Variants in NRG1 observed in about 807,000 individuals in gnomAD.
NRG1 encodes neuregulin 1.
A neutral mutation model predicts 63.8 loss-of-function variants in NRG1; 18 were observed. The observed-to-expected ratio is 0.28, with a 90% CI of 0.19 to 0.42. The LOEUF (loss-of-function observed/expected upper bound fraction) is 0.42, where lower values mean the gene tolerates loss of function less well. Ranked by LOEUF, NRG1 falls within the 10% of genes least tolerant of loss-of-function variation. The pLI is 1.00. For missense variants in NRG1, 762 were observed against 814.7 expected, an observed-to-expected ratio of 0.94 and a Z score of 0.79; for synonymous variants, 302 against 301.3, an observed-to-expected ratio of 1.00 and a Z score of -0.02.
chr8:32,156,015 T>G (rs73594188), intron 1 of NRG1, among the ~76,000 whole-genome samples: 2,010 of 152,298 alleles, frequency 0.013, 54 homozygotes, highest in African/African-American at 0.045. Context: ...TTTCAGGTGC[T>G]AAATTTGGCA....
At chr8:32,066,363 A>G (rs1321077036) in intron 1 of NRG1, among the ~76,000 whole-genome samples, 4 of 152,226 alleles carry the variant, frequency 2.6e-5, no homozygotes, top group Non-Finnish European at 4.4e-5. Context: ...TAATTTTTGT[A>G]TAAGATGTAA....
chr8:32,553,003 G>C (rs1166193969), intron 1 of NRG1, among the ~76,000 whole-genome samples: 2 of 152,162 alleles, frequency 1.3e-5, no homozygotes, highest in African/African-American at 4.8e-5. Context: ...TTTGTCATCC[G>C]TCCTTTCGAA....
rs151045576 is a variant in NRG1 at position 32,459,998 on chromosome 8, G to C, written c.38-135830G>C. ...CAACACCTTATGTTAATGTTGTGCA[G>C]AACACTTACCACTGCCTGATATTTT... On this transcript the variant is annotated intron_variant, in intron 1 of 10. Transcript: ENST00000519301. 9.2e-3 allele frequency among the ~76,000 whole-genome samples: 1,407 copies of C among 152,278 alleles called. 21 individuals carry two copies. Among genetic ancestry groups the C allele is most frequent in the African/African-American group, 0.033 (1,368 of 41,574 alleles).
At chr8:31,892,268 A>G (rs1236164049) in intron 1 of NRG1, among the ~76,000 whole-genome samples, 4 of 152,150 alleles carry the variant, frequency 2.6e-5, no homozygotes, top group African/African-American at 9.6e-5. Flanking sequence ...TGAAATAACA[A>G]TTTCAGAAGG....
At chr8:32,400,245 A>G (rs1812997329) in intron 1 of NRG1, among the ~76,000 whole-genome samples, 1 of 152,188 alleles carries the variant, frequency 6.6e-6, no homozygotes, top group Non-Finnish European at 1.5e-5. Context: ...GCACTTTGGG[A>G]GGCCAATGTG....
At chr8:32,443,968 T>C (rs1003877995) in intron 1 of NRG1, among the ~76,000 whole-genome samples, 2 of 152,016 alleles carry the variant, frequency 1.3e-5, no homozygotes, top group Admixed American at 1.3e-4. Flanking sequence ...AGATATACAA[T>C]ACAATTTCCT....
At chr8:32,090,733 A>G (rs1444871792) in intron 1 of NRG1, among the ~76,000 whole-genome samples, 1 of 152,190 alleles carries the variant, frequency 6.6e-6, no homozygotes, top group Non-Finnish European at 1.5e-5. Flanking sequence ...ATCACTACCA[A>G]CAACATGAAG....
At chr8:31,843,257 A>G (rs1826363900) in intron 1 of NRG1, among the ~76,000 whole-genome samples, 2 of 152,294 alleles carry the variant, frequency 1.3e-5, no homozygotes, top group South Asian at 2.1e-4. Flanking sequence ...CTTATGTTGT[A>G]GTGGCTGGAA....
intron 1 of NRG1, among the ~76,000 whole-genome samples, chr8:32,123,958 T>G (rs908205393): frequency 1.3e-5 from 2 of 151,920 alleles, no homozygotes; most frequent in Admixed American, 6.6e-5. Context: ...ATTTCTTTTG[T>G]TCTCAATAAA....
intron 1 of NRG1, among the ~76,000 whole-genome samples, chr8:32,078,185 T>C (rs572125794): frequency 2.6e-5 from 4 of 152,312 alleles, no homozygotes; most frequent in Non-Finnish European, 5.9e-5. Context: ...CTGGAGGTGA[T>C]TGGGTCATAG....
At chr8:32,559,216 G>T (rs1588300151) in intron 1 of NRG1, among the ~76,000 whole-genome samples, 1 of 123,056 alleles carries the variant, frequency 8.1e-6, no homozygotes. Flanking sequence ...TGTTTTGCTA[G>T]TATTAGTATG....
At chr8:32,233,564 T>TATATATA (rs1554660618) in intron 1 of NRG1, among the ~76,000 whole-genome samples, 1,896 of 26,634 alleles carry the variant, frequency 0.071, 7 homozygotes, top group Non-Finnish European at 0.096. Context: ...TATATATATA[T>TATATATA]TTTTTTTTTT....
At chr8:32,619,491 C>T (rs1363465723) in intron 5 of NRG1, among the ~76,000 whole-genome samples, 1 of 152,124 alleles carries the variant, frequency 6.6e-6, no homozygotes, top group Non-Finnish European at 1.5e-5. Context: ...AAGAATGGCT[C>T]ACTGGGAGGA....
upstream of NRG1, among the ~76,000 whole-genome samples, chr8:32,545,444 G>A (rs1167810887): frequency 6.6e-6 from 1 of 151,558 alleles, no homozygotes; most frequent in Non-Finnish European, 1.5e-5. Context: ...AAACCATTAA[G>A]ATATGTCATC....
intron 1 of NRG1, among the ~76,000 whole-genome samples, chr8:32,100,556 T>A (rs1389089247): frequency 1.3e-5 from 2 of 151,090 alleles, no homozygotes; most frequent in Admixed American, 6.6e-5. Context: ...TTTTTTTTTA[T>A]AAAATGGGAA....
intron 1 of NRG1, among the ~76,000 whole-genome samples, chr8:32,493,427 C>T (rs1826832778): frequency 6.6e-6 from 1 of 152,048 alleles, no homozygotes; most frequent in African/African-American, 2.4e-5. Context: ...TTATATTTGT[C>T]GTTGAATTAT....
chr8:32,586,709 A>G (rs1224576799), intron 1 of NRG1, among the ~76,000 whole-genome samples: 2 of 152,196 alleles, frequency 1.3e-5, no homozygotes, highest in African/African-American at 4.8e-5. Context: ...TTCCCCTATC[A>G]GTTTCCATCT....
intron 5 of NRG1, among the ~76,000 whole-genome samples, chr8:32,623,158 C>G (rs191470765): frequency 3.3e-4 from 51 of 152,270 alleles, no homozygotes; most frequent in African/African-American, 1.1e-3. Context: ...AGAGACATTT[C>G]TGTCATAATG....
At chr8:32,436,226 AG>A (rs1399987059) in intron 1 of NRG1, among the ~76,000 whole-genome samples, 1 of 152,186 alleles carries the variant, frequency 6.6e-6, no homozygotes, top group Admixed American at 6.6e-5. Flanking sequence ...TAAAGCCATC[AG>A]ATCTAGTGAG....
Sources: gnomAD v4.1 joint callset for allele counts (sites outside exome capture counted in the v4.1 genomes callset) on GRCh38, gnomAD v4.1.1 for gene constraint, MANE v1.5 for transcripts, NCBI Gene and HGNC (gene_info 2026-07-23, HGNC 2026-07-21) for gene names.